Variants in ADGRG4 observed in about 807,000 individuals in gnomAD.
The protein encoded by ADGRG4 is G protein-coupled receptor 112.
In ADGRG4, 122 loss-of-function variants were observed where a neutral mutation model predicts 126.2. The observed-to-expected ratio is 0.97, with a 90% CI of 0.83 to 1.12. ADGRG4 has a LOEUF of 1.12. ADGRG4 is among the 50% of genes most tolerant of loss of function. The pLI is 0.00. For missense variants in ADGRG4, 2,481 were observed against 2,251.8 expected, an observed-to-expected ratio of 1.10 and a Z score of -2.06; for synonymous variants, 943 against 838.7, an observed-to-expected ratio of 1.12 and a Z score of -2.15.
intron 18 of ADGRG4, 103 bp from the exon 19 acceptor site, chrX:136,395,287 A>G (rs1462524380): frequency 2.2e-6 from 1 of 453,974 alleles, no homozygotes; most frequent in East Asian, 4.0e-5. Flanking sequence ...ATCTCAGCAA[A>G]TAATATTAAT....
chrX:136,388,030 A>G (rs1030670387), intron 16 of ADGRG4, among the ~76,000 whole-genome samples, 156 bp downstream of exon 16: 9 of 112,062 alleles, frequency 8.0e-5, no homozygotes, highest in Non-Finnish European at 1.7e-4. Context: ...AACATGAATC[A>G]ACGTCTACTT....
chrX:136,329,441 G>A (rs1331920771), intron 5 of ADGRG4, among the ~76,000 whole-genome samples: 3 of 111,848 alleles, frequency 2.7e-5, no homozygotes, highest in Non-Finnish European at 5.6e-5. Context: ...TAAGCCCACA[G>A]ACCCCTGTGA....
At position 136,409,048 on chromosome X, in the gene ADGRG4, GACACACAC is replaced by G. The variant is rs71995144; in HGVS notation, c.8935+3110_8935+3117del. ...TCAGAGCTCAGAGTTTCAAATTCAA[GACACACAC>G]ACACACACACACACACACACACACA... On this transcript the variant is annotated intron_variant, in intron 23 of 25. Coordinates refer to ENST00000394143, the MANE Select transcript of ADGRG4 (RefSeq NM_153834.4). 7.9e-3 allele frequency among the ~76,000 whole-genome samples: 720 copies of G among 90,841 alleles called. 2 individuals carry two copies. Among genetic ancestry groups the G allele is most frequent in the Middle Eastern group, 0.016 (3 of 190 alleles). 78.9% of individuals were successfully genotyped at this position (90,841 alleles called of 115,157 possible). A position where few individuals can be genotyped will look rare whatever the true frequency, so the allele number is the denominator to read the frequency against.
chrX:136,364,348 G>A (rs1247041313), intron 13 of ADGRG4, among the ~76,000 whole-genome samples: 1 of 110,580 alleles, frequency 9.0e-6, no homozygotes, highest in Non-Finnish European at 1.9e-5. Flanking sequence ...ACATATACTT[G>A]CCCTCACTTT....
At position 136,368,241 on chromosome X, in the gene ADGRG4, G is replaced by A. The variant is rs956453556; in HGVS notation, c.7397-3087G>A. Among the ~76,000 whole-genome samples the A allele has an allele frequency of 7.1e-5, 8 of 112,409 alleles. No individual in the cohort carries two copies. In the Admixed American group the frequency reaches 7.6e-4, roughly 11 times the overall value. ...TCTTACTCTATATAAAGGAGATAATGTGAGTACTTTTATGACTAATACAAA... is the reference window on the plus strand; with the variant it reads ...TCTTACTCTATATAAAGGAGATAATATGAGTACTTTTATGACTAATACAAA... On this transcript the variant is annotated intron_variant, in intron 13 of 25. Transcript: ENST00000394143.
intron 3 of ADGRG4, among the ~76,000 whole-genome samples, chrX:136,305,244 T>A (rs1277818499): frequency 1.8e-5 from 2 of 111,978 alleles, no homozygotes; most frequent in Non-Finnish European, 3.8e-5. Flanking sequence ...TGAAGAATCC[T>A]GGCCTTAAGC....
chrX:136,386,621 C>T (rs1012247561), intron 15 of ADGRG4, among the ~76,000 whole-genome samples: 1 of 112,039 alleles, frequency 8.9e-6, no homozygotes, highest in East Asian at 2.8e-4. Flanking sequence ...AAGCAATTCA[C>T]TTAATCTTTC....
At chrX:136,368,639 CA>C (rs2075173922) in intron 13 of ADGRG4, among the ~76,000 whole-genome samples, 1 of 111,890 alleles carries the variant, frequency 8.9e-6, no homozygotes, top group Non-Finnish European at 1.9e-5. Flanking sequence ...CCCTCTCCTC[CA>C]TGGCTGAATA....
chrX:136,403,892 C>A (rs1648301450), intron 22 of ADGRG4, among the ~76,000 whole-genome samples: 1 of 111,675 alleles, frequency 9.0e-6, no homozygotes, highest in Non-Finnish European at 1.9e-5. Flanking sequence ...TTCTCTCAAC[C>A]ACAATCACGC....
chrX:136,364,531 G>T (rs1205157281), intron 13 of ADGRG4, among the ~76,000 whole-genome samples: 2 of 111,232 alleles, frequency 1.8e-5, no homozygotes, highest in Non-Finnish European at 3.8e-5. Flanking sequence ...TATTTAACCT[G>T]TTTCTTATGG....
intron 12 of ADGRG4, among the ~76,000 whole-genome samples, chrX:136,362,469 T>A (rs757643265): frequency 1.8e-5 from 2 of 111,830 alleles, no homozygotes; most frequent in Non-Finnish European, 3.8e-5. Flanking sequence ...GCTGCCAGCA[T>A]GATTTTCCTG....
At chrX:136,398,054 C>T (rs1414494192) in intron 20 of ADGRG4, 52 bp downstream of exon 20, 1 of 1,103,155 alleles carries the variant, frequency 9.1e-7, no homozygotes, top group Non-Finnish European at 1.2e-6. Context: ...TTGATGGATG[C>T]TATTACCATT....
At chrX:136,354,875 C>T (rs2075083976) in intron 8 of ADGRG4, among the ~76,000 whole-genome samples, 1 of 111,633 alleles carries the variant, frequency 9.0e-6, no homozygotes, top group Admixed American at 9.5e-5. Flanking sequence ...TATGATCTCC[C>T]TGGGTGCACC....
chrX:136,358,741 C>T (rs908929676), intron 10 of ADGRG4, among the ~76,000 whole-genome samples: 6 of 111,778 alleles, frequency 5.4e-5, no homozygotes, highest in African/African-American at 9.8e-5. Context: ...TTACCTCATA[C>T]GGTCGTTGTG....
chrX:136,368,221 C>G (rs2075171555), intron 13 of ADGRG4, among the ~76,000 whole-genome samples: 2 of 112,393 alleles, frequency 1.8e-5, no homozygotes, highest in African/African-American at 6.5e-5. Flanking sequence ...TAACTTCTTA[C>G]TCTATATAAA....
At chrX:136,310,590 C>T in intron 4 of ADGRG4, among the ~76,000 whole-genome samples, 2 of 111,465 alleles carry the variant, frequency 1.8e-5, no homozygotes. Context: ...TCACCAGCCT[C>T]CCAACTGTGA....
In ADGRG4 at chrX:136,387,789, T is replaced by A; in HGVS notation, c.7826T>A (p.Leu2609Ter). ...GGAGGGATTTTGGCTTCCATATATT[T>A]GCCTAAATCACTGACGGAGAGAATT... The part of the protein sequence containing the change: ...PVGGILASIY[L>*]PKSLTERIPL... Residue 2609 changes from leucine (L) to a stop codon, truncating the protein, a stop_gained, in exon 16 of 26, where the codon TTG becomes TAG. Transcript: ENST00000394143. LOFTEE classifies it high-confidence loss of function. 8.3e-7 allele frequency: 1 copy of A among 1,206,648 alleles called. No homozygotes were observed. The highest frequency in any genetic ancestry group is 1.1e-6 in the Non-Finnish European group (1 of 891,120).
chrX:136,362,010 A>G (rs2075131771), intron 12 of ADGRG4, among the ~76,000 whole-genome samples: 1 of 112,240 alleles, frequency 8.9e-6, no homozygotes, highest in Non-Finnish European at 1.9e-5. Flanking sequence ...CATGTTTTAC[A>G]TTTATTATCT....
At chrX:136,388,209 C>T (rs189397988) in intron 16 of ADGRG4, among the ~76,000 whole-genome samples, 6 of 112,087 alleles carry the variant, frequency 5.4e-5, no homozygotes, top group Non-Finnish European at 1.1e-4. Context: ...CCTCCCAAAT[C>T]TCCCCTGGCT....
Sources: gnomAD v4.1 joint callset for allele counts (sites outside exome capture counted in the v4.1 genomes callset) on GRCh38, gnomAD v4.1.1 for gene constraint, MANE v1.5 for transcripts, NCBI Gene and HGNC (gene_info 2026-07-23, HGNC 2026-07-21) for gene names.